The following ROBO2 variants were observed in gnomAD, a reference collection of about 807,000 sequenced individuals.
ROBO2 encodes roundabout homolog 2.
Under a neutral mutation model 160.8 loss-of-function variants are expected in ROBO2, and 53 were observed. That is an observed-to-expected ratio of 0.33 (90% CI 0.26 to 0.41). The LOEUF (loss-of-function observed/expected upper bound fraction) is 0.41, where lower values mean the gene tolerates loss of function less well. Among genes scored for constraint, ROBO2 ranks in the 10% least tolerant of loss-of-function variants. The pLI, the probability that ROBO2 is intolerant of heterozygous loss-of-function variation, is 1.00. For missense variants in ROBO2, 1,577 were observed against 1,722.4 expected (o/e 0.92, Z 1.49); for synonymous variants, 664 against 611.7 (o/e 1.09, Z -1.26).
intron 2 of ROBO2, among the ~76,000 whole-genome samples, chr3:76,362,367 C>G (rs2075571527): frequency 6.6e-6 from 1 of 151,738 alleles, no homozygotes; most frequent in Admixed American, 6.6e-5. Context: ...AAGACCTTCT[C>G]TTAAAAAAAA....
chr3:76,464,221 A>G (rs969760303), intron 2 of ROBO2, among the ~76,000 whole-genome samples: 8 of 152,172 alleles, frequency 5.3e-5, no homozygotes, highest in Non-Finnish European at 1.2e-4. Context: ...ATTTTCTTTC[A>G]TATCTACAGG....
chr3:77,574,174 G>A (rs1192372543), intron 13 of ROBO2, among the ~76,000 whole-genome samples: 2 of 152,048 alleles, frequency 1.3e-5, no homozygotes, highest in Admixed American at 6.6e-5. Flanking sequence ...CATAAAGTTA[G>A]AGATACTGGC....
At chr3:76,344,342 A>T (rs901159352) in intron 2 of ROBO2, among the ~76,000 whole-genome samples, 2 of 152,160 alleles carry the variant, frequency 1.3e-5, no homozygotes, top group African/African-American at 4.8e-5. Context: ...ATCTTCAGAT[A>T]ACTGATGACA....
intron 2 of ROBO2, among the ~76,000 whole-genome samples, chr3:76,032,471 CCT>C (rs1193420440): frequency 4.6e-5 from 7 of 152,156 alleles, no homozygotes; most frequent in African/African-American, 1.7e-4. Flanking sequence ...TTAGATCTGT[CCT>C]GCTTTCTCTT....
At chr3:75,921,915 CA>C (rs1420884920) in intron 1 of ROBO2, among the ~76,000 whole-genome samples, 9 of 152,152 alleles carry the variant, frequency 5.9e-5, no homozygotes, top group African/African-American at 2.2e-4. Flanking sequence ...ATTTCAGAAC[CA>C]AAAACAGTTT....
At chr3:76,677,993 AGAG>A in intron 2 of ROBO2, among the ~76,000 whole-genome samples, 1 of 64,304 alleles carries the variant, frequency 1.6e-5, no homozygotes, top group Non-Finnish European at 3.0e-5. Context: ...TTTTTGAGAT[AGAG>A]TCTTGCTCTT....
At chr3:76,549,954 C>T (rs985844734) in intron 2 of ROBO2, among the ~76,000 whole-genome samples, 2 of 152,152 alleles carry the variant, frequency 1.3e-5, no homozygotes, top group African/African-American at 4.8e-5. Flanking sequence ...TCCCTTTTTA[C>T]AGTTTTAGAA....
chr3:77,019,559 G>T (rs116458925), intron 2 of ROBO2, among the ~76,000 whole-genome samples: 2 of 152,102 alleles, frequency 1.3e-5, no homozygotes, highest in East Asian at 3.9e-4. Flanking sequence ...TTCATGAGCC[G>T]ATGGGCCTTG....
chr3:77,383,457 A>T (rs1314702652), intron 2 of ROBO2, among the ~76,000 whole-genome samples: 1 of 152,120 alleles, frequency 6.6e-6, no homozygotes, highest in East Asian at 1.9e-4. Flanking sequence ...TATATATTTT[A>T]TGCTTTTATG....
chr3:76,300,652 G>C (rs1002418283), intron 2 of ROBO2, among the ~76,000 whole-genome samples: 4 of 151,910 alleles, frequency 2.6e-5, no homozygotes, highest in Non-Finnish European at 5.9e-5. Context: ...ATAGCAATGT[G>C]TGTGTATAAA....
chr3:77,527,298 G>T, intron 6 of ROBO2, 105 bp from the exon 7 acceptor site: 1 of 779,848 alleles, frequency 1.3e-6, no homozygotes, highest in Admixed American at 2.6e-5. Context: ...TCACTCTATT[G>T]TCCATACTTA....
rs538961240 is a variant in ROBO2 at position 77,063,577 on chromosome 3, T to G, written c.61+22731T>G. Reference sequence around the variant, plus strand: ...TCCTTTCTCCTGGATTATAACTTACTTGAATTGTAGTAATTTACATATGTG... The same window carrying G: ...TCCTTTCTCCTGGATTATAACTTACGTGAATTGTAGTAATTTACATATGTG... On this transcript the variant is annotated intron_variant, in intron 1 of 25. Coordinates refer to ENST00000461745, the Ensembl canonical transcript of ROBO2. 3.9e-4 allele frequency among the ~76,000 whole-genome samples: 59 copies of G among 152,342 alleles called. No homozygotes were observed. In the South Asian group the frequency reaches 0.01, roughly 26 times the overall value.
intron 2 of ROBO2, among the ~76,000 whole-genome samples, chr3:77,323,754 T>TAC (rs921414841): frequency 5.1e-4 from 78 of 151,920 alleles, no homozygotes; most frequent in African/African-American, 1.5e-3. Flanking sequence ...AAACACACCA[T>TAC]ACACACACAC....
intron 23 of ROBO2, chr3:77,632,672 G>A (rs1333698079): frequency 1.3e-6 from 2 of 1,526,516 alleles, no homozygotes; most frequent in Non-Finnish European, 1.8e-6. Context: ...TAGACTCCAA[G>A]TCAACACTCT....
At chr3:75,997,476 G>A (rs1343068217) in intron 2 of ROBO2, among the ~76,000 whole-genome samples, 2 of 144,124 alleles carry the variant, frequency 1.4e-5, no homozygotes, top group African/African-American at 5.0e-5. Context: ...TGGAATTAAA[G>A]GCATTTGTTT....
chr3:77,517,096 G>C (rs1203642714), intron 5 of ROBO2, among the ~76,000 whole-genome samples: 4 of 151,592 alleles, frequency 2.6e-5, no homozygotes, highest in Non-Finnish European at 4.4e-5. Flanking sequence ...GTAAAGATAT[G>C]TGCTTTGAAG....
chr3:76,771,241 G>A (rs889862049), intron 2 of ROBO2, among the ~76,000 whole-genome samples: 3 of 151,158 alleles, frequency 2.0e-5, no homozygotes, highest in Admixed American at 6.6e-5. Flanking sequence ...ACATGCCACC[G>A]ATGATCTTCT....
At chr3:76,680,138 C>A (rs1308959471) in intron 2 of ROBO2, among the ~76,000 whole-genome samples, 1 of 152,052 alleles carries the variant, frequency 6.6e-6, no homozygotes, top group African/African-American at 2.4e-5. Flanking sequence ...ACCTCAAATT[C>A]TTTACGTGAA....
intron 2 of ROBO2, among the ~76,000 whole-genome samples, chr3:77,455,354 G>A (rs763837700): frequency 6.6e-6 from 1 of 152,272 alleles, no homozygotes; most frequent in East Asian, 1.9e-4. Flanking sequence ...GAAAAATTAT[G>A]ACACTAAAAA....
Sources: gnomAD v4.1 joint callset for allele counts (sites outside exome capture counted in the v4.1 genomes callset) on GRCh38, gnomAD v4.1.1 for gene constraint, MANE v1.5 for transcripts, NCBI Gene and HGNC (gene_info 2026-07-23, HGNC 2026-07-21) for gene names.